Variants in NEO1 observed in about 807,000 individuals in gnomAD.
NEO1 encodes the protein neogenin.
In NEO1, 63 loss-of-function variants were observed where a neutral mutation model predicts 159.7. The ratio of observed to expected loss-of-function variants is 0.39; its 90% CI spans 0.32 to 0.49. NEO1 has a LOEUF of 0.49. Ranked by LOEUF, NEO1 falls within the 20% of genes least tolerant of loss-of-function variation. NEO1 has a pLI of 0.85. For missense variants in NEO1, 1,615 were observed against 1,831.0 expected (o/e 0.88, Z 2.15); for synonymous variants, 633 against 662.0 (o/e 0.96, Z 0.67).
chr15:73,224,599 A>G (rs1019579160), intron 7 of NEO1, among the ~76,000 whole-genome samples: 1 of 151,862 alleles, frequency 6.6e-6, no homozygotes, highest in Non-Finnish European at 1.5e-5. Context: ...GTTCGATTCT[A>G]TTGCTGAGAC....
At chr15:73,222,421 A>G (rs933204626) in intron 7 of NEO1, among the ~76,000 whole-genome samples, 9 of 151,942 alleles carry the variant, frequency 5.9e-5, no homozygotes, top group Non-Finnish European at 1.3e-4. Context: ...TTAAATTACC[A>G]TTTCAATCTC....
intron 4 of NEO1, among the ~76,000 whole-genome samples, chr15:73,127,318 A>C (rs1482920035): frequency 3.3e-5 from 5 of 151,988 alleles, no homozygotes; most frequent in Non-Finnish European, 7.4e-5. Flanking sequence ...CATCTTTCAC[A>C]AAATACCAAC....
At chr15:73,249,311 A>T in intron 10 of NEO1, 103 bp downstream of exon 10, 1 of 1,294,560 alleles carries the variant, frequency 7.7e-7, no homozygotes, top group Non-Finnish European at 1.1e-6. Context: ...AGGGGGAAAA[A>T]GAAACATAGG....
intron 1 of NEO1, among the ~76,000 whole-genome samples, chr15:73,059,720 T>C (rs1265874974): frequency 6.6e-6 from 1 of 152,200 alleles, no homozygotes; most frequent in African/African-American, 2.4e-5. Context: ...CCTCATAATT[T>C]TGGTTCTGTA....
intron 1 of NEO1, among the ~76,000 whole-genome samples, chr15:73,114,790 T>A (rs1654080002): frequency 6.6e-6 from 1 of 152,116 alleles, no homozygotes; most frequent in Non-Finnish European, 1.5e-5. Context: ...CTGAGTTAAG[T>A]TTGGGGGGTA....
chr15:73,098,542 T>C (rs921475412), intron 1 of NEO1, among the ~76,000 whole-genome samples: 1 of 152,180 alleles, frequency 6.6e-6, no homozygotes, highest in African/African-American at 2.4e-5. Flanking sequence ...TTCACTTAAT[T>C]TGTTATAGAA....
chr15:73,291,969 C>T (rs1462314848), intron 25 of NEO1, among the ~76,000 whole-genome samples: 1 of 152,178 alleles, frequency 6.6e-6, no homozygotes, highest in African/African-American at 2.4e-5. Flanking sequence ...TACCTGTCTT[C>T]CCCTAGAGTT....
At chr15:73,260,200 AT>A (rs1332738197) in intron 14 of NEO1, 70 bp from the exon 15 acceptor site, 1 of 1,437,288 alleles carries the variant, frequency 7.0e-7, no homozygotes, top group African/African-American at 1.4e-5. Flanking sequence ...GCTAAACACC[AT>A]TCCCCAAGGA....
intron 7 of NEO1, among the ~76,000 whole-genome samples, chr15:73,223,093 G>T (rs915071435): frequency 6.6e-6 from 1 of 152,132 alleles, no homozygotes; most frequent in African/African-American, 2.4e-5. Context: ...CCATGTATTT[G>T]CATGGCTTTG....
intron 1 of NEO1, among the ~76,000 whole-genome samples, chr15:73,064,562 T>G (rs1365958247): frequency 1.3e-5 from 2 of 152,316 alleles, no homozygotes; most frequent in African/African-American, 4.8e-5. Flanking sequence ...CCTCTTGGGC[T>G]CAAGTGATCC....
intron 11 of NEO1, among the ~76,000 whole-genome samples, chr15:73,251,910 T>G (rs765281052): frequency 6.6e-6 from 1 of 152,212 alleles, no homozygotes; most frequent in Non-Finnish European, 1.5e-5. Flanking sequence ...GGAATAAGTG[T>G]CTGCCATGTA....
chr15:73,059,973 A>G lies in NEO1; in HGVS notation c.130+7168A>G, dbSNP rs76834669. Among the ~76,000 whole-genome samples the G allele has an allele frequency of 5.5e-3, 836 of 152,170 alleles. 10 individuals carry two copies. The highest frequency in any genetic ancestry group is 0.019 in the African/African-American group (789 of 41,502). Reference sequence around the variant, plus strand: ...TTACTAAGAAGTCCTGAGCAGAGTGAATTTTTGTAATGATACTATGTGGAA... The same window carrying G: ...TTACTAAGAAGTCCTGAGCAGAGTGGATTTTTGTAATGATACTATGTGGAA... On this transcript the variant is annotated intron_variant, in intron 1 of 28. Transcript: ENST00000261908.
At chr15:73,131,437 T>C (rs1022060909) in intron 4 of NEO1, among the ~76,000 whole-genome samples, 2 of 152,250 alleles carry the variant, frequency 1.3e-5, no homozygotes, top group Non-Finnish European at 2.9e-5. Context: ...CAGTTTTCTT[T>C]TTTGCTTTTC....
chr15:73,169,842 CTAAA>C (rs1157863103), intron 5 of NEO1, among the ~76,000 whole-genome samples: 2 of 151,668 alleles, frequency 1.3e-5, no homozygotes, highest in African/African-American at 4.8e-5. Context: ...CATTTATAAT[CTAAA>C]TAAGAGGATT....
chr15:73,277,956 T>G (rs1030941927), intron 21 of NEO1, among the ~76,000 whole-genome samples, 175 bp from the exon 22 acceptor site: 1 of 152,208 alleles, frequency 6.6e-6, no homozygotes. Context: ...AGCTATACCT[T>G]AGTTTGCTTT....
At chr15:73,237,123 T>C (rs1218218444) in intron 8 of NEO1, among the ~76,000 whole-genome samples, 2 of 146,802 alleles carry the variant, frequency 1.4e-5, no homozygotes, top group East Asian at 2.0e-4. Context: ...CTATAGCCTT[T>C]TTTTCCAGTG....
chr15:73,112,838 T>C (rs1692952329), intron 1 of NEO1, among the ~76,000 whole-genome samples: 7 of 152,224 alleles, frequency 4.6e-5, no homozygotes, highest in Admixed American at 4.6e-4. Flanking sequence ...GTAGAAAATA[T>C]TTCGAACATT....
At chr15:73,115,290 C>G (rs990216664) in intron 1 of NEO1, among the ~76,000 whole-genome samples, 1 of 152,200 alleles carries the variant, frequency 6.6e-6, no homozygotes, top group Non-Finnish European at 1.5e-5. Context: ...ATCCACCCAC[C>G]TTGGCCTCCC....
At chr15:73,176,043 G>A (rs543760718) in intron 5 of NEO1, among the ~76,000 whole-genome samples, 32 of 152,170 alleles carry the variant, frequency 2.1e-4, no homozygotes, top group African/African-American at 7.7e-4. Flanking sequence ...TCCACTCTTT[G>A]AATTCTAATT....
Sources: allele counts gnomAD v4.1 joint callset (sites outside exome capture counted in the v4.1 genomes callset), GRCh38; gene constraint gnomAD v4.1.1; transcripts MANE v1.5; gene names NCBI Gene and HGNC (gene_info 2026-07-23, HGNC 2026-07-21).